The following GALNTL6 variants were observed in gnomAD, a reference collection of about 807,000 sequenced individuals.
GALNTL6 encodes the protein polypeptide N-acetylgalactosaminyltransferase like 6.
A neutral mutation model predicts 73.7 loss-of-function variants in GALNTL6; 46 were observed. The ratio of observed to expected loss-of-function variants is 0.62; its 90% CI spans 0.49 to 0.80. GALNTL6 has a LOEUF of 0.80. Ranked by LOEUF, GALNTL6 falls within the 30% of genes least tolerant of loss-of-function variation. The probability of loss-of-function intolerance (pLI) is 0.00; values close to 1 mark genes in which losing one functional copy is unlikely to be tolerated. For synonymous variants in GALNTL6, 259 were observed against 263.7 expected (o/e 0.98, Z 0.17); for missense variants, 604 against 755.0 (o/e 0.80, Z 2.34).
At chr4:171,883,799 C>T (rs1021011330) in intron 2 of GALNTL6, among the ~76,000 whole-genome samples, 2 of 151,930 alleles carry the variant, frequency 1.3e-5, no homozygotes, top group African/African-American at 2.4e-5. Flanking sequence ...AGGCGCCTGC[C>T]ACCACACCTG....
intron 5 of GALNTL6, among the ~76,000 whole-genome samples, chr4:172,766,295 T>G (rs190837620): frequency 6.6e-6 from 1 of 152,330 alleles, no homozygotes; most frequent in Non-Finnish European, 1.5e-5. Context: ...GGTGAAATTT[T>G]TGGATATTTA....
chr4:172,007,179 G>A (rs1420422497), intron 2 of GALNTL6, among the ~76,000 whole-genome samples: 2 of 152,032 alleles, frequency 1.3e-5, no homozygotes, highest in Admixed American at 6.6e-5. Context: ...CTAAGAACAT[G>A]TAATTAATTC....
intron 5 of GALNTL6, among the ~76,000 whole-genome samples, chr4:172,654,424 G>T (rs1236397555): frequency 6.6e-6 from 1 of 152,020 alleles, no homozygotes; most frequent in East Asian, 1.9e-4. Context: ...CTTTCCAAGG[G>T]CCCCAGCTGA....
chr4:172,484,038 G>A (rs1321582233), intron 5 of GALNTL6, among the ~76,000 whole-genome samples: 1 of 152,148 alleles, frequency 6.6e-6, no homozygotes, highest in Non-Finnish European at 1.5e-5. Flanking sequence ...GGGTTTGTGG[G>A]GGTCTCTAAG....
At chr4:172,854,140 C>T (rs1743993625) in intron 7 of GALNTL6, among the ~76,000 whole-genome samples, 3 of 152,142 alleles carry the variant, frequency 2.0e-5, no homozygotes, top group Non-Finnish European at 4.4e-5. Context: ...TCCTTTTCCT[C>T]ATTGCATTTC....
rs1254304421 is a variant in GALNTL6 at position 172,405,427 on chromosome 4, ATATATATATATATATATTTTTTTTTT to A, written c.553+56740_553+56765del. Among the ~76,000 whole-genome samples the A allele has an allele frequency of 2.9e-3, 56 of 19,184 alleles. 2 individuals carry two copies. Among genetic ancestry groups the A allele is most frequent in the African/African-American group, 7.5e-3 (54 of 7,164 alleles). 12.6% of individuals were successfully genotyped at this position (19,184 alleles called of 152,430 possible). A position where few individuals can be genotyped will look rare whatever the true frequency, so the allele number is the denominator to read the frequency against. On this transcript the variant is annotated intron_variant, in intron 5 of 12. Coordinates refer to ENST00000506823, the MANE Select transcript of GALNTL6 (RefSeq NM_001034845.3). ...GATATATATATATATATATATATAT[ATATATATATATATATATTTTTTTTTT>A]TTTTTTTTTTTTTCTCCTTGCATTG...
intron 8 of GALNTL6, among the ~76,000 whole-genome samples, chr4:172,901,032 A>T (rs754779766): frequency 2.4e-4 from 36 of 152,234 alleles, no homozygotes; most frequent in Admixed American, 2.6e-4. Context: ...ATTCTGAACG[A>T]TATAATTGGA....
At chr4:172,802,192 C>A (rs1283282933) in intron 5 of GALNTL6, among the ~76,000 whole-genome samples, 2 of 152,086 alleles carry the variant, frequency 1.3e-5, no homozygotes, top group Non-Finnish European at 2.9e-5. Flanking sequence ...CCAAGTATTA[C>A]CAGCAGCTGA....
chr4:172,893,737 G>T (rs973739249), intron 8 of GALNTL6, among the ~76,000 whole-genome samples: 7 of 152,216 alleles, frequency 4.6e-5, no homozygotes, highest in African/African-American at 1.7e-4. Flanking sequence ...GGGGGGAAGG[G>T]TACCTATGGT....
At chr4:172,217,988 A>C (rs1434002307) in intron 2 of GALNTL6, among the ~76,000 whole-genome samples, 1 of 152,022 alleles carries the variant, frequency 6.6e-6, no homozygotes, top group Non-Finnish European at 1.5e-5. Context: ...CTTTATATAG[A>C]GGCTATGTCT....
intron 9 of GALNTL6, among the ~76,000 whole-genome samples, chr4:172,947,686 G>A (rs961282294): frequency 4.0e-5 from 6 of 151,512 alleles, no homozygotes; most frequent in Non-Finnish European, 7.4e-5. Flanking sequence ...TACCATCTCT[G>A]GCACAAGCTG....
intron 5 of GALNTL6, among the ~76,000 whole-genome samples, chr4:172,554,245 C>A (rs763875310): frequency 2.0e-5 from 3 of 152,160 alleles, no homozygotes; most frequent in Non-Finnish European, 2.9e-5. Context: ...CTCATTAAAG[C>A]ATTGCATGCA....
At chr4:172,118,284 G>A (rs1350259366) in intron 2 of GALNTL6, among the ~76,000 whole-genome samples, 3 of 152,086 alleles carry the variant, frequency 2.0e-5, no homozygotes, top group Non-Finnish European at 1.5e-5. Flanking sequence ...CCTAAAGGCT[G>A]TAGGTTACTG....
At chr4:171,972,256 ATGT>A (rs1478655050) in intron 2 of GALNTL6, among the ~76,000 whole-genome samples, 1 of 152,184 alleles carries the variant, frequency 6.6e-6, no homozygotes, top group Non-Finnish European at 1.5e-5. Context: ...AAAACTACTA[ATGT>A]ATTTTATATA....
intron 5 of GALNTL6, among the ~76,000 whole-genome samples, chr4:172,745,104 G>GA (rs1395831863): frequency 2.0e-5 from 3 of 151,658 alleles, no homozygotes; most frequent in Non-Finnish European, 4.4e-5. Flanking sequence ...CCTTAAATGA[G>GA]AAAAAAGAAC....
intron 2 of GALNTL6, among the ~76,000 whole-genome samples, chr4:172,194,225 A>G (rs918028556): frequency 2.6e-5 from 4 of 152,236 alleles, no homozygotes; most frequent in African/African-American, 9.6e-5. Flanking sequence ...GACCAAATGT[A>G]GGAAAGAATC....
At chr4:172,412,069 G>T (rs1437792859) in intron 5 of GALNTL6, among the ~76,000 whole-genome samples, 1 of 151,624 alleles carries the variant, frequency 6.6e-6, no homozygotes, top group Non-Finnish European at 1.5e-5. Flanking sequence ...TAAAAATAGG[G>T]TCTCACTCTG....
chr4:172,940,990 T>C (rs1443926548), intron 9 of GALNTL6, among the ~76,000 whole-genome samples: 1 of 152,232 alleles, frequency 6.6e-6, no homozygotes, highest in African/African-American at 2.4e-5. Flanking sequence ...AACTATTTTT[T>C]AAATTTAGTT....
intron 8 of GALNTL6, among the ~76,000 whole-genome samples, chr4:172,886,810 T>G (rs1745747652): frequency 6.6e-6 from 1 of 152,106 alleles, no homozygotes. Flanking sequence ...TTTTGTATTA[T>G]TTTATTAGTC....
Sources: gnomAD v4.1 joint callset for allele counts (sites outside exome capture counted in the v4.1 genomes callset) on GRCh38, gnomAD v4.1.1 for gene constraint, MANE v1.5 for transcripts, NCBI Gene and HGNC (gene_info 2026-07-23, HGNC 2026-07-21) for gene names.